Variants in GABRB3 observed in about 807,000 individuals in gnomAD.
GABRB3 encodes the protein gamma-aminobutyric acid receptor subunit beta-3.
A neutral mutation model predicts 52.1 loss-of-function variants in GABRB3; 14 were observed. That is an observed-to-expected ratio of 0.27 (90% CI 0.18 to 0.42). The LOEUF (loss-of-function observed/expected upper bound fraction) is 0.42. Among genes scored for constraint, GABRB3 ranks in the 10% least tolerant of loss-of-function variants. The probability of loss-of-function intolerance (pLI) is 1.00; values close to 1 mark genes in which losing one functional copy is unlikely to be tolerated. For missense variants in GABRB3, 307 were observed against 609.1 expected, an observed-to-expected ratio of 0.50 and a Z score of 5.22; for synonymous variants, 260 against 232.3, an observed-to-expected ratio of 1.12 and a Z score of -1.08.
At chr15:26,738,523 A>C (rs897648713) in intron 3 of GABRB3, among the ~76,000 whole-genome samples, 1 of 152,168 alleles carries the variant, frequency 6.6e-6, no homozygotes, top group African/African-American at 2.4e-5. Flanking sequence ...GACCTCAATA[A>C]ACAATACAAT....
At chr15:26,583,066 T>A (rs1263466474) in intron 5 of GABRB3, among the ~76,000 whole-genome samples, 1 of 152,170 alleles carries the variant, frequency 6.6e-6, no homozygotes, top group Non-Finnish European at 1.5e-5. Context: ...AGCATCTCGG[T>A]GTTTGCTCTC....
chr15:26,687,331 A>G (rs1888437612), intron 3 of GABRB3, among the ~76,000 whole-genome samples: 1 of 152,236 alleles, frequency 6.6e-6, no homozygotes, highest in Non-Finnish European at 1.5e-5. Flanking sequence ...TTAAAATTTC[A>G]AAGAGCTTTA....
At chr15:26,675,572 T>C (rs902345781) in intron 3 of GABRB3, among the ~76,000 whole-genome samples, 1 of 152,076 alleles carries the variant, frequency 6.6e-6, no homozygotes, top group Non-Finnish European at 1.5e-5. Flanking sequence ...ATAAGGGCTA[T>C]TGAGATAGGT....
intron 3 of GABRB3, among the ~76,000 whole-genome samples, chr15:26,732,131 CAGAT>C (rs1025153357): frequency 6.0e-5 from 9 of 149,568 alleles, no homozygotes; most frequent in Non-Finnish European, 1.2e-4. Context: ...GACAGATGGA[CAGAT>C]GGATGGATGG....
At chr15:26,682,711 T>G (rs896433106) in intron 3 of GABRB3, among the ~76,000 whole-genome samples, 15 of 152,170 alleles carry the variant, frequency 9.9e-5, no homozygotes, top group Non-Finnish European at 1.6e-4. Flanking sequence ...GGGATTACAC[T>G]CCCTCATGCC....
chr15:26,630,141 C>T (rs1362707300), intron 3 of GABRB3, among the ~76,000 whole-genome samples: 2 of 152,152 alleles, frequency 1.3e-5, no homozygotes, highest in Non-Finnish European at 2.9e-5. Context: ...CTGCATTCCT[C>T]GGCCAGGCTC....
At chr15:26,773,108 G>A (rs970079419), upstream of GABRB3, 13 of 822,562 alleles carry the variant, frequency 1.6e-5, no homozygotes, top group South Asian at 1.6e-4. Context: ...GGAGGAGGGG[G>A]AGGAGCGGGC....
At chr15:26,773,670 C>A, upstream of GABRB3, 1 of 1,573,060 alleles carries the variant, frequency 6.4e-7, no homozygotes, top group East Asian at 2.3e-5. Flanking sequence ...CCTCGGGTCC[C>A]CAGGGTCCAG....
chr15:26,718,701 C>G (rs1391772983), intron 3 of GABRB3, among the ~76,000 whole-genome samples: 2 of 152,078 alleles, frequency 1.3e-5, no homozygotes, highest in Non-Finnish European at 2.9e-5. Context: ...ATGGCTGTAG[C>G]TATCTCAGAT....
intron 3 of GABRB3, among the ~76,000 whole-genome samples, chr15:26,747,694 G>A (rs1890384545): frequency 6.6e-6 from 1 of 152,056 alleles, no homozygotes; most frequent in African/African-American, 2.4e-5. Flanking sequence ...CAATCTGTAT[G>A]TTTTCTATTT....
intron 3 of GABRB3, among the ~76,000 whole-genome samples, chr15:26,763,388 C>A (rs753292601): frequency 3.3e-5 from 5 of 152,124 alleles, no homozygotes; most frequent in Non-Finnish European, 5.9e-5. Context: ...ACTGCAAGGG[C>A]CATTGACTCC....
intron 3 of GABRB3, chr15:26,629,005 G>C (rs41313513): frequency 1.3e-6 from 2 of 1,536,168 alleles, no homozygotes; most frequent in Middle Eastern, 1.7e-4. Flanking sequence ...GGCCCACATG[G>C]GGACACGAGG....
Position 26,586,704 on chromosome 15 carries a change from A to AAAAT in GABRB3, c.462-3291_462-3290insATTT, listed in dbSNP as rs558336153. On this transcript the variant is annotated intron_variant, in intron 4 of 8. Transcript: ENST00000311550. Reference sequence around the variant, plus strand: ...TCCATCTCAAAAAAAAAAAAAAAAAAAGAGAGAGAGAGAAAGCGAAGAAGG... The same window carrying AAAAT: ...TCCATCTCAAAAAAAAAAAAAAAAAAAAATAGAGAGAGAGAGAAAGCGAAGAAGG... 5.7e-3 allele frequency among the ~76,000 whole-genome samples: 586 copies of AAAAT among 102,288 alleles called. 10 individuals are homozygous for AAAAT. Among genetic ancestry groups the AAAAT allele is most frequent in the African/African-American group, 0.017 (565 of 32,760 alleles). 67.1% of individuals were successfully genotyped at this position (102,288 alleles called of 152,430 possible).
At chr15:26,556,043 G>A (rs1056521870) in intron 8 of GABRB3, among the ~76,000 whole-genome samples, 4 of 152,172 alleles carry the variant, frequency 2.6e-5, no homozygotes, top group African/African-American at 4.8e-5. Context: ...AGAAAGAAGC[G>A]ATTGTGGGTG....
intron 3 of GABRB3, among the ~76,000 whole-genome samples, chr15:26,753,860 C>T (rs1890584369): frequency 6.6e-6 from 1 of 152,058 alleles, no homozygotes; most frequent in Non-Finnish European, 1.5e-5. Context: ...ACAGGTAAAC[C>T]AATGCTGTTG....
chr15:26,567,764 G>T (rs1184845707), intron 6 of GABRB3, 31 bp from the exon 7 acceptor site: 3 of 1,609,560 alleles, frequency 1.9e-6, no homozygotes, highest in East Asian at 2.2e-5. Context: ...TATTACACTG[G>T]AGAAACAACA....
intron 4 of GABRB3, chr15:26,615,878 C>T: frequency 8.0e-7 from 1 of 1,251,730 alleles, no homozygotes; most frequent in Non-Finnish European, 1.0e-6. Flanking sequence ...GCCAGTCCAA[C>T]CAGTATTTCA....
chr15:26,749,424 G>C (rs1176136687), intron 3 of GABRB3, among the ~76,000 whole-genome samples: 1 of 152,188 alleles, frequency 6.6e-6, no homozygotes, highest in Non-Finnish European at 1.5e-5. Flanking sequence ...ACTAGAGTTT[G>C]TTTAAGACTC....
intron 4 of GABRB3, among the ~76,000 whole-genome samples, chr15:26,586,721 C>T (rs7175575): frequency 6.8e-6 from 1 of 146,022 alleles, no homozygotes; most frequent in African/African-American, 2.5e-5. Flanking sequence ...AGAGAGAAAG[C>T]GAAGAAGGAA....
Sources: gnomAD v4.1 joint callset for allele counts (sites outside exome capture counted in the v4.1 genomes callset) on GRCh38, gnomAD v4.1.1 for gene constraint, MANE v1.5 for transcripts, NCBI Gene and HGNC (gene_info 2026-07-23, HGNC 2026-07-21) for gene names.